Variants in DPYS observed in about 807,000 individuals in gnomAD.
The protein encoded by DPYS is dihydropyrimidine amidohydrolase.
Under a neutral mutation model 50.3 loss-of-function variants are expected in DPYS, and 39 were observed. The ratio of observed to expected loss-of-function variants is 0.78; its 90% confidence interval spans 0.60 to 1.01. The LOEUF (loss-of-function observed/expected upper bound fraction) is 1.01, where lower values mean the gene tolerates loss of function less well. DPYS is among the 50% of genes least tolerant of loss of function. The pLI is 0.00. For synonymous variants in DPYS, 245 were observed against 250.7 expected, an observed-to-expected ratio of 0.98 and a Z score of 0.22; for missense variants, 659 against 680.9, an observed-to-expected ratio of 0.97 and a Z score of 0.36.
intron 7 of DPYS, chr8:104,420,952 C>T (rs2140608543): frequency 6.6e-6 from 1 of 152,156 alleles, no homozygotes; most frequent in East Asian, 1.9e-4. Flanking sequence ...GTTGACAAAG[C>T]ATTTTCACAT....
At chr8:104,429,826 C>T in intron 4 of DPYS, 125 bp from the exon 5 acceptor site, 2 of 1,193,728 alleles carry the variant, frequency 1.7e-6, no homozygotes, top group Non-Finnish European at 1.2e-6. Context: ...AGCAGAATCC[C>T]AAACTATAAT....
chr8:104,464,675 G>A (rs1814293310), intron 1 of DPYS, among the ~76,000 whole-genome samples: 2 of 152,320 alleles, frequency 1.3e-5, no homozygotes, highest in Admixed American at 6.5e-5. Context: ...ACAGACACAT[G>A]CACAATATGA....
chr8:104,451,764 A>G (rs1813751054), intron 1 of DPYS, among the ~76,000 whole-genome samples: 1 of 152,168 alleles, frequency 6.6e-6, no homozygotes, highest in Admixed American at 6.5e-5. Context: ...ATAAAATTCC[A>G]TTTTATTAGA....
intron 2 of DPYS, among the ~76,000 whole-genome samples, chr8:104,450,670 AC>A (rs2140732805): frequency 6.6e-6 from 1 of 152,290 alleles, no homozygotes; most frequent in South Asian, 2.1e-4. Context: ...AAATCATCTG[AC>A]CAGGTGTGGT....
chr8:104,410,032 G>C (rs1812122140), intron 7 of DPYS, among the ~76,000 whole-genome samples: 1 of 152,058 alleles, frequency 6.6e-6, no homozygotes, highest in South Asian at 2.1e-4. Flanking sequence ...GTTCCCTTAG[G>C]GTAATAATTT....
chr8:104,451,556 G>A (rs1813744382), intron 1 of DPYS, 152 bp from the exon 2 acceptor site: 1 of 893,908 alleles, frequency 1.1e-6, no homozygotes, highest in Non-Finnish European at 1.7e-6. Flanking sequence ...TGACCCAGAA[G>A]GGCATGAATA....
intron 4 of DPYS, among the ~76,000 whole-genome samples, chr8:104,441,492 G>A (rs950429050): frequency 1.3e-5 from 2 of 152,154 alleles, no homozygotes; most frequent in African/African-American, 2.4e-5. Flanking sequence ...TGAATTAATC[G>A]GTAGGCTTAA....
Position 104,412,349 on chromosome 8 carries a change from A to G in DPYS, c.1235+11898T>C, listed in dbSNP as rs533858433. On this transcript the variant is annotated intron_variant, in intron 7 of 9. Coordinates refer to ENST00000351513, the MANE Select transcript of DPYS (RefSeq NM_001385.3). ...TAGCTTCTATGTGATGAGCTCAGAAAATCAAGGGCCAATGCGAATGTTTGT... is the reference window on the plus strand; with the variant it reads ...TAGCTTCTATGTGATGAGCTCAGAAGATCAAGGGCCAATGCGAATGTTTGT... 4.6e-5 allele frequency among the ~76,000 whole-genome samples: 7 copies of G among 152,338 alleles called. No individual in the cohort carries two copies. In the South Asian group the frequency reaches 8.3e-4, roughly 18 times the overall value.
At chr8:104,396,307 G>C (rs912960241) in intron 7 of DPYS, among the ~76,000 whole-genome samples, 3 of 152,128 alleles carry the variant, frequency 2.0e-5, no homozygotes, top group African/African-American at 7.2e-5. Flanking sequence ...GCTATATGAA[G>C]AAAGTAAAAT....
chr8:104,410,842 G>T (rs987674629), intron 7 of DPYS, among the ~76,000 whole-genome samples: 2 of 152,012 alleles, frequency 1.3e-5, no homozygotes, highest in African/African-American at 4.8e-5. Context: ...TCCCACGACT[G>T]TATCTTTCCC....
intron 6 of DPYS, among the ~76,000 whole-genome samples, chr8:104,427,080 A>G (rs1056122627): frequency 6.6e-6 from 1 of 151,618 alleles, no homozygotes; most frequent in Non-Finnish European, 1.5e-5. Context: ...GCACATCTGT[A>G]ATCCCAGCTA....
intron 2 of DPYS, among the ~76,000 whole-genome samples, chr8:104,448,998 A>G (rs1200887810): frequency 6.6e-6 from 1 of 152,158 alleles, no homozygotes; most frequent in African/African-American, 2.4e-5. Context: ...GTATCCTAGA[A>G]CAGTGCCTGG....
Position 104,451,379 on chromosome 8 carries a change from A to T in DPYS, c.290T>A (p.Met97Lys), listed in dbSNP as rs762600748. 8 of 1,614,150 alleles carry T rather than the reference A, an allele frequency of 5.0e-6. No homozygotes were observed. The South Asian group carries it at 7.7e-5, about 16-fold the overall frequency. The change falls in exon 2 of 10, where the codon ATG (methionine) becomes AAG (lysine). Residue 97 changes from methionine (M) to lysine (K), a missense_variant. Coordinates refer to ENST00000351513, the MANE Select transcript of DPYS (RefSeq NM_001385.3). The part of the protein sequence containing the change: ...TKAALSGGTT[M>K]IIDFAIPQKG... ...CTGAGGAATGGCGAAATCAATAATC[A>T]TGGTGGTGCCTCCTGAGAGAGCAGC...
intron 7 of DPYS, among the ~76,000 whole-genome samples, chr8:104,396,825 C>CG (rs535554850): frequency 1.5e-5 from 2 of 131,634 alleles, no homozygotes; most frequent in Non-Finnish European, 3.1e-5. Context: ...TGCCTCATAC[C>CG]AAAAAAAAAA....
intron 5 of DPYS, among the ~76,000 whole-genome samples, 172 bp from the exon 6 acceptor site, chr8:104,428,293 T>C (rs1248129640): frequency 6.6e-6 from 1 of 152,220 alleles, no homozygotes; most frequent in Non-Finnish European, 1.5e-5. Context: ...CTGTCTCTAT[T>C]CTAGGAAGCA....
At chr8:104,404,896 T>C (rs975563066) in intron 7 of DPYS, among the ~76,000 whole-genome samples, 9 of 152,086 alleles carry the variant, frequency 5.9e-5, no homozygotes, top group African/African-American at 2.2e-4. Flanking sequence ...TTACAAAAAG[T>C]TTGCTCTTCC....
intron 4 of DPYS, 123 bp downstream of exon 4, chr8:104,444,125 G>T: frequency 9.2e-7 from 1 of 1,085,034 alleles, no homozygotes. Flanking sequence ...CTAATAAAAA[G>T]GGAGGAAGAA....
intron 8 of DPYS, among the ~76,000 whole-genome samples, chr8:104,382,511 A>T (rs1458237272): frequency 2.0e-5 from 3 of 146,492 alleles, no homozygotes; most frequent in Admixed American, 6.8e-5. Flanking sequence ...CTCTGGCCAC[A>T]TCCTCCCTTT....
intron 7 of DPYS, among the ~76,000 whole-genome samples, chr8:104,405,230 A>G (rs1256267677): frequency 2.0e-5 from 3 of 152,082 alleles, no homozygotes; most frequent in Non-Finnish European, 4.4e-5. Context: ...TCAACAATCC[A>G]CCTTTGTATT....
Sources: gnomAD v4.1 joint callset for allele counts (sites outside exome capture counted in the v4.1 genomes callset) on GRCh38, gnomAD v4.1.1 for gene constraint, MANE v1.5 for transcripts, NCBI Gene and HGNC (gene_info 2026-07-23, HGNC 2026-07-21) for gene names.